Variants in PSD3 observed in about 807,000 individuals in gnomAD.
PSD3 encodes pleckstrin and Sec7 domain containing 3.
Under a neutral mutation model 105.5 loss-of-function variants are expected in PSD3, and 49 were observed. The observed-to-expected ratio is 0.46, with a 90% CI of 0.37 to 0.59. The LOEUF is 0.59. PSD3 is among the 20% of genes least tolerant of loss of function. The pLI, the probability that PSD3 is intolerant of heterozygous loss-of-function variation, is 0.00. For synonymous variants in PSD3, 557 were observed against 457.8 expected (o/e 1.22, Z -2.77); for missense variants, 1,561 against 1,263.8 (o/e 1.24, Z -3.57).
chr8:18,613,705 C>T (rs773456352), intron 11 of PSD3, among the ~76,000 whole-genome samples: 55 of 152,152 alleles, frequency 3.6e-4, no homozygotes, highest in Admixed American at 3.9e-4. Context: ...ACATAGAAAA[C>T]GGCATCACTA....
intron 8 of PSD3, among the ~76,000 whole-genome samples, chr8:18,772,967 T>G (rs577607814): frequency 6.6e-6 from 1 of 152,236 alleles, no homozygotes; most frequent in Non-Finnish European, 1.5e-5. Flanking sequence ...AAATATTTTA[T>G]TCTATTCTGT....
At chr8:18,841,458 T>C (rs1019545076) in intron 4 of PSD3, among the ~76,000 whole-genome samples, 10 of 122,286 alleles carry the variant, frequency 8.2e-5, no homozygotes, top group Admixed American at 2.8e-4. Flanking sequence ...TAAGAGTGTC[T>C]GCTATTTAAA....
chr8:18,543,011 T>C (rs1800238218), intron 15 of PSD3, among the ~76,000 whole-genome samples: 1 of 152,152 alleles, frequency 6.6e-6, no homozygotes, highest in Non-Finnish European at 1.5e-5. Context: ...ATAATATAAT[T>C]CCACTATCAG....
intron 8 of PSD3, among the ~76,000 whole-genome samples, chr8:18,767,999 G>A (rs1044082319): frequency 1.1e-4 from 17 of 151,418 alleles, no homozygotes; most frequent in East Asian, 7.9e-4. Context: ...GGCCGGGCGC[G>A]GTGGCTCACA....
At chr8:18,739,126 T>C (rs1203770203) in intron 9 of PSD3, among the ~76,000 whole-genome samples, 1 of 152,170 alleles carries the variant, frequency 6.6e-6, no homozygotes, top group Admixed American at 6.5e-5. Flanking sequence ...AAACTTCAGA[T>C]GGATGAATAT....
intron 2 of PSD3, among the ~76,000 whole-genome samples, chr8:18,910,033 GC>G (rs1820101909): frequency 6.6e-6 from 1 of 152,116 alleles, no homozygotes; most frequent in Non-Finnish European, 1.5e-5. Flanking sequence ...ACAGAGGACT[GC>G]CCCACGAAGA....
chr8:18,553,649 G>C (rs1800905008), intron 15 of PSD3, among the ~76,000 whole-genome samples: 1 of 152,146 alleles, frequency 6.6e-6, no homozygotes, highest in African/African-American at 2.4e-5. Context: ...AAGCACTCAC[G>C]AGAGAAAAAT....
chr8:18,546,762 C>G (rs1470670981), intron 15 of PSD3, among the ~76,000 whole-genome samples: 1 of 152,056 alleles, frequency 6.6e-6, no homozygotes, highest in East Asian at 1.9e-4. Context: ...ACATTTGTAC[C>G]TTTTGATCAA....
intron 14 of PSD3, among the ~76,000 whole-genome samples, chr8:18,568,615 T>A (rs986474294): frequency 6.6e-6 from 1 of 152,198 alleles, no homozygotes; most frequent in Non-Finnish European, 1.5e-5. Context: ...TACGATCCAT[T>A]TCTTCTGCAG....
At chr8:18,758,465 G>A (rs545024909) in intron 9 of PSD3, among the ~76,000 whole-genome samples, 9 of 144,038 alleles carry the variant, frequency 6.2e-5, no homozygotes, top group Middle Eastern at 3.6e-3. Context: ...CTGTCACTCC[G>A]TGTGAACAGA....
chr8:18,825,322 T>A lies in PSD3; in HGVS notation c.1635-20424A>T, dbSNP rs186181080. Among the ~76,000 whole-genome samples, 867 of 152,274 alleles carry A rather than the reference T, an allele frequency of 5.7e-3. 17 individuals carry two copies. The highest frequency in any genetic ancestry group is 0.02 in the African/African-American group (823 of 41,536). ...AGACCACCAGACTCTCCAAATTCAG[T>A]GTCTGTAAGAGTCACCTGGGAAGCT... On this transcript the variant is annotated intron_variant, in intron 4 of 15. Coordinates refer to ENST00000327040, the MANE Select transcript of PSD3 (RefSeq NM_015310.4).
At chr8:18,674,747 C>T (rs1220352672) in intron 9 of PSD3, among the ~76,000 whole-genome samples, 1 of 152,082 alleles carries the variant, frequency 6.6e-6, no homozygotes, top group Admixed American at 6.5e-5. Context: ...TGTCTCATGT[C>T]TGTGATCCCA....
At chr8:18,718,585 A>C (rs1802748130) in intron 9 of PSD3, among the ~76,000 whole-genome samples, 1 of 152,260 alleles carries the variant, frequency 6.6e-6, no homozygotes, top group Non-Finnish European at 1.5e-5. Flanking sequence ...ACATTTTATA[A>C]TCAGAAGAAT....
chr8:19,031,206 T>C (rs752336437), intron 1 of PSD3, among the ~76,000 whole-genome samples: 3 of 152,196 alleles, frequency 2.0e-5, no homozygotes. Context: ...TTTTGTCAAG[T>C]AAGCAAGAAA....
chr8:19,033,226 G>A (rs1827828382), intron 1 of PSD3, among the ~76,000 whole-genome samples: 1 of 150,928 alleles, frequency 6.6e-6, no homozygotes, highest in Non-Finnish European at 1.5e-5. Flanking sequence ...GATAGAGAAA[G>A]ATACACAACC....
intron 10 of PSD3, among the ~76,000 whole-genome samples, chr8:18,650,210 A>C (rs1219583277): frequency 6.6e-6 from 1 of 152,246 alleles, no homozygotes; most frequent in Admixed American, 6.5e-5. Flanking sequence ...GAAGATCCTC[A>C]TGCAGATACA....
chr8:18,998,447 G>A (rs1325770634), intron 1 of PSD3, among the ~76,000 whole-genome samples: 2 of 151,914 alleles, frequency 1.3e-5, no homozygotes, highest in Non-Finnish European at 2.9e-5. Context: ...CAGCACTTTG[G>A]GAGGCCGAGG....
intron 2 of PSD3, among the ~76,000 whole-genome samples, chr8:18,933,401 T>G (rs887325793): frequency 6.6e-6 from 1 of 152,150 alleles, no homozygotes. Context: ...AAAAAAAGCT[T>G]AATTAGCAAA....
chr8:18,821,714 CA>C (rs1812731132), intron 4 of PSD3, among the ~76,000 whole-genome samples: 12 of 142,634 alleles, frequency 8.4e-5, no homozygotes, highest in African/African-American at 1.5e-4. Flanking sequence ...CACACACACA[CA>C]CACCCCAATA....
Sources: gnomAD v4.1 joint callset for allele counts (sites outside exome capture counted in the v4.1 genomes callset) on GRCh38, gnomAD v4.1.1 for gene constraint, MANE v1.5 for transcripts, NCBI Gene and HGNC (gene_info 2026-07-23, HGNC 2026-07-21) for gene names.